THRB: variants seen among roughly 807,000 people sequenced by gnomAD.
THRB encodes the protein nuclear receptor subfamily 1 group A member 2.
A neutral mutation model predicts 47.8 loss-of-function variants in THRB; 12 were observed. The ratio of observed to expected loss-of-function variants is 0.25; its 90% CI spans 0.16 to 0.41. THRB has a LOEUF of 0.41. THRB is among the 10% of genes least tolerant of loss of function. The pLI is 1.00. For synonymous variants in THRB, 218 were observed against 212.2 expected (o/e 1.03, Z -0.24); for missense variants, 348 against 589.2 (o/e 0.59, Z 4.24).
chr3:24,139,957 G>A (rs78639502), intron 8 of THRB, among the ~76,000 whole-genome samples: 2,728 of 152,188 alleles, frequency 0.018, 86 homozygotes, highest in African/African-American at 0.06. Context: ...TGCAAGCACA[G>A]GAAAAGGGGT....
At chr3:24,269,861 T>A (rs1406987842) in intron 3 of THRB, among the ~76,000 whole-genome samples, 1 of 152,212 alleles carries the variant, frequency 6.6e-6, no homozygotes, top group Non-Finnish European at 1.5e-5. Context: ...GTGTAATTTT[T>A]AAATTTTGAC....
intron 1 of THRB, among the ~76,000 whole-genome samples, chr3:24,463,149 C>A (rs533993943): frequency 1.3e-4 from 20 of 152,202 alleles, no homozygotes; most frequent in Non-Finnish European, 2.9e-4. Flanking sequence ...TATCTGAAAC[C>A]TTAATGGAGT....
At chr3:24,280,753 G>A (rs933945205) in intron 3 of THRB, among the ~76,000 whole-genome samples, 1 of 152,044 alleles carries the variant, frequency 6.6e-6, no homozygotes, top group African/African-American at 2.4e-5. Context: ...GGAGCTGATG[G>A]AGCTGAAAAC....
intron 5 of THRB, among the ~76,000 whole-genome samples, chr3:24,185,814 T>C (rs1445547188): frequency 6.6e-6 from 1 of 152,136 alleles, no homozygotes; most frequent in Non-Finnish European, 1.5e-5. Context: ...ACCCTGTGGT[T>C]CCCAGAGAGA....
Position 24,206,009 on chromosome 3 carries a change from T to C in THRB, c.23-15675A>G, listed in dbSNP as rs191288304. Among the ~76,000 whole-genome samples the C allele has an allele frequency of 3.0e-3, 455 of 152,250 alleles. 2 individuals carry two copies. Among genetic ancestry groups the C allele is most frequent in the African/African-American group, 0.01 (431 of 41,538 alleles). On this transcript the variant is annotated intron_variant, in intron 4 of 10. Coordinates refer to ENST00000646209, the MANE Select transcript of THRB (RefSeq NM_001354712.2). Reference sequence around the variant, plus strand: ...CACCCAGATTCACAAAGCAAGTCCTTAGTGACCTACAAAGAGACTTAGACT... The same window carrying C: ...CACCCAGATTCACAAAGCAAGTCCTCAGTGACCTACAAAGAGACTTAGACT...
intron 4 of THRB, among the ~76,000 whole-genome samples, chr3:24,220,912 C>G (rs1408664460): frequency 6.6e-6 from 1 of 152,126 alleles, no homozygotes; most frequent in Non-Finnish European, 1.5e-5. Context: ...CTGTGGCGGC[C>G]CTGGGCAAGA....
At chr3:24,404,955 C>T (rs914327782) in intron 1 of THRB, among the ~76,000 whole-genome samples, 1 of 151,874 alleles carries the variant, frequency 6.6e-6, no homozygotes, top group Admixed American at 6.6e-5. Flanking sequence ...TATAACCTTA[C>T]CAAACCTAAG....
At chr3:24,345,438 G>T (rs1045150211) in intron 1 of THRB, among the ~76,000 whole-genome samples, 3 of 152,086 alleles carry the variant, frequency 2.0e-5, no homozygotes, top group Non-Finnish European at 4.4e-5. Flanking sequence ...TCTTTTGATT[G>T]AGTGGACACA....
At chr3:24,459,870 G>A (rs953898291) in intron 1 of THRB, among the ~76,000 whole-genome samples, 1 of 151,912 alleles carries the variant, frequency 6.6e-6, no homozygotes, top group African/African-American at 2.4e-5. Flanking sequence ...TTTTTATATA[G>A]GTACTTATAA....
intron 3 of THRB, among the ~76,000 whole-genome samples, chr3:24,289,423 T>A (rs1559843244): frequency 6.6e-6 from 1 of 152,212 alleles, no homozygotes; most frequent in Non-Finnish European, 1.5e-5. Context: ...TTTTATATAG[T>A]TTTCCCTTCA....
At chr3:24,347,653 A>C (rs1423503817) in intron 1 of THRB, among the ~76,000 whole-genome samples, 1 of 151,576 alleles carries the variant, frequency 6.6e-6, no homozygotes, top group Non-Finnish European at 1.5e-5. Flanking sequence ...TAAAAAAAAG[A>C]AATCACTATA....
At position 24,153,841 on chromosome 3, in the gene THRB, C is replaced by A. The variant is rs148563601; in HGVS notation, c.284-1351G>T. The stretch of plus-strand genomic sequence containing the variant: ...AACAATCCTTTCTCCCTATCATGGT[C>A]CTTATGAAGTTTTTTGACTCAGTTC... On this transcript the variant is annotated intron_variant, in intron 5 of 10. Coordinates refer to ENST00000646209, the MANE Select transcript of THRB (RefSeq NM_001354712.2). Among the ~76,000 whole-genome samples the A allele has an allele frequency of 1.2e-3, 184 of 152,226 alleles. 1 individual carries two copies. The East Asian group carries it at 0.033, about 27-fold the overall frequency.
chr3:24,259,646 G>A (rs2051733837), intron 3 of THRB, among the ~76,000 whole-genome samples: 3 of 75,024 alleles, frequency 4.0e-5, no homozygotes, highest in East Asian at 3.6e-4. Context: ...TTTTTTTTAA[G>A]GAAAAAAGCT....
intron 3 of THRB, among the ~76,000 whole-genome samples, chr3:24,239,893 C>T (rs1221347034): frequency 2.0e-5 from 3 of 152,070 alleles, no homozygotes; most frequent in African/African-American, 4.8e-5. Flanking sequence ...ATATTTTTTA[C>T]GGTGACCCTA....
chr3:24,124,096 A>C (rs1007995875), intron 10 of THRB, among the ~76,000 whole-genome samples: 1 of 152,212 alleles, frequency 6.6e-6, no homozygotes, highest in South Asian at 2.1e-4. Flanking sequence ...GGCTCTGATC[A>C]AATGAATTCA....
At chr3:24,466,444 T>A (rs114328059) in intron 1 of THRB, among the ~76,000 whole-genome samples, 144 of 152,268 alleles carry the variant, frequency 9.5e-4, no homozygotes, top group African/African-American at 3.3e-3. Flanking sequence ...AACTACCACC[T>A]GGAGAGTGAA....
At chr3:24,188,301 T>A (rs1319934282) in intron 5 of THRB, among the ~76,000 whole-genome samples, 1 of 152,222 alleles carries the variant, frequency 6.6e-6, no homozygotes, top group African/African-American at 2.4e-5. Flanking sequence ...TCAGGTACTT[T>A]GCTAAATGCT....
At chr3:24,399,295 C>T (rs1368187014) in intron 1 of THRB, among the ~76,000 whole-genome samples, 1 of 151,666 alleles carries the variant, frequency 6.6e-6, no homozygotes, top group East Asian at 1.9e-4. Flanking sequence ...ATGCCTCCCT[C>T]AGTCTACCTG....
intron 9 of THRB, 117 bp downstream of exon 9, chr3:24,133,199 C>T: frequency 8.3e-7 from 1 of 1,211,300 alleles, no homozygotes; most frequent in Non-Finnish European, 1.2e-6. Flanking sequence ...ACTGACGTTG[C>T]TTTCATATGA....
Sources: allele counts gnomAD v4.1 joint callset (sites outside exome capture counted in the v4.1 genomes callset), GRCh38; gene constraint gnomAD v4.1.1; transcripts MANE v1.5; gene names NCBI Gene and HGNC (gene_info 2026-07-23, HGNC 2026-07-21).